The following SPAG16 variants were observed in gnomAD, a reference collection of about 807,000 sequenced individuals.
SPAG16 encodes sperm-associated antigen 16 protein.
Under a neutral mutation model 80.4 loss-of-function variants are expected in SPAG16, and 86 were observed. That is an observed-to-expected ratio of 1.07 (90% CI 0.90 to 1.28). The LOEUF is 1.28. Ranked by LOEUF, SPAG16 falls within the 50% of genes most tolerant of loss-of-function variation. The pLI is 0.00. For missense variants in SPAG16, 870 were observed against 765.3 expected (o/e 1.14, Z -1.61); for synonymous variants, 294 against 265.9 (o/e 1.11, Z -1.03).
intron 10 of SPAG16, among the ~76,000 whole-genome samples, chr2:213,654,401 G>A (rs1408191343): frequency 6.6e-6 from 1 of 151,818 alleles, no homozygotes; most frequent in Non-Finnish European, 1.5e-5. Context: ...TAGCATATTA[G>A]AAGTTGCAAT....
chr2:213,862,127 TCCAAATATC>T (rs2075493238), intron 10 of SPAG16, among the ~76,000 whole-genome samples: 1 of 152,208 alleles, frequency 6.6e-6, no homozygotes, highest in South Asian at 2.1e-4. Context: ...TGACCACTGG[TCCAAATATC>T]CCAACATAAA....
chr2:214,160,854 A>G (rs1173190097), intron 15 of SPAG16, among the ~76,000 whole-genome samples: 1 of 151,972 alleles, frequency 6.6e-6, no homozygotes. Context: ...TCATCTTACT[A>G]TTTTATTTAT....
intron 14 of SPAG16, among the ~76,000 whole-genome samples, chr2:214,133,848 T>A (rs906613034): frequency 6.6e-6 from 1 of 152,086 alleles, no homozygotes; most frequent in Admixed American, 6.6e-5. Context: ...CTCTGGTGAT[T>A]GCCTGGAGTT....
intron 9 of SPAG16, among the ~76,000 whole-genome samples, chr2:213,451,272 A>T (rs1036795699): frequency 6.6e-6 from 1 of 152,212 alleles, no homozygotes; most frequent in South Asian, 2.1e-4. Flanking sequence ...TTTAATTCCA[A>T]TAGGGTTAGA....
intron 14 of SPAG16, among the ~76,000 whole-genome samples, chr2:214,133,139 A>C (rs1261881908): frequency 4.0e-5 from 6 of 149,624 alleles, no homozygotes; most frequent in African/African-American, 1.5e-4. Flanking sequence ...TAAAAAAAAA[A>C]CCTACCATTA....
intron 13 of SPAG16, among the ~76,000 whole-genome samples, chr2:214,093,750 T>G (rs548393424): frequency 1.3e-5 from 2 of 152,206 alleles, no homozygotes; most frequent in East Asian, 3.9e-4. Context: ...AAAAGGCTAG[T>G]TTTGCAGGCC....
At chr2:213,587,122 T>C (rs1359338792) in intron 10 of SPAG16, among the ~76,000 whole-genome samples, 4 of 152,156 alleles carry the variant, frequency 2.6e-5, no homozygotes, top group Non-Finnish European at 4.4e-5. Flanking sequence ...CCTGTCCTTA[T>C]AGTTCCATGG....
chr2:213,899,615 A>G (rs1020954588), intron 11 of SPAG16, among the ~76,000 whole-genome samples: 1 of 152,076 alleles, frequency 6.6e-6, no homozygotes, highest in Non-Finnish European at 1.5e-5. Context: ...TCAAATTGTC[A>G]CTATAATATT....
Position 213,859,178 on chromosome 2 carries a change from C to CAAAAAAAAAAAAAAAAAAAAAAAAA in SPAG16, c.1071-3293_1071-3269dup, listed in dbSNP as rs1165853142. 2.1e-4 allele frequency among the ~76,000 whole-genome samples: 2 copies of CAAAAAAAAAAAAAAAAAAAAAAAAA among 9,378 alleles called. 1 individual carries two copies. The highest frequency in any genetic ancestry group is 3.6e-4 in the Non-Finnish European group (2 of 5,530). 6.2% of individuals were successfully genotyped at this position (9,378 alleles called of 152,430 possible). On this transcript the variant is annotated intron_variant, in intron 10 of 15. Coordinates refer to ENST00000331683, the MANE Select transcript of SPAG16 (RefSeq NM_024532.5). ...TGGGCAACAGAGCGACACTCCGTCT[C>CAAAAAAAAAAAAAAAAAAAAAAAAA]AAAAAAAAAAAAAAAAAAAAAAAAA... is the stretch of plus-strand genomic sequence containing the variant.
intron 9 of SPAG16, among the ~76,000 whole-genome samples, chr2:213,449,745 GT>G (rs1280041957): frequency 6.6e-6 from 1 of 152,126 alleles, no homozygotes. Flanking sequence ...GCAATGCACA[GT>G]TTACTCATGG....
At chr2:213,951,649 A>C (rs544777912) in intron 12 of SPAG16, among the ~76,000 whole-genome samples, 31 of 152,304 alleles carry the variant, frequency 2.0e-4, no homozygotes, top group African/African-American at 6.5e-4. Flanking sequence ...TACAAGGATA[A>C]ACAAAATATG....
chr2:213,826,561 C>G (rs1559500078), intron 10 of SPAG16, among the ~76,000 whole-genome samples: 1 of 151,754 alleles, frequency 6.6e-6, no homozygotes, highest in Admixed American at 6.6e-5. Context: ...CAATATTCTT[C>G]TTGTTATTGA....
intron 15 of SPAG16, among the ~76,000 whole-genome samples, chr2:214,408,906 A>G (rs915096661): frequency 1.3e-5 from 2 of 152,080 alleles, no homozygotes; most frequent in South Asian, 4.1e-4. Context: ...CATTTTTTAC[A>G]TAACAGATAT....
At chr2:214,075,401 A>C (rs948586517) in intron 13 of SPAG16, among the ~76,000 whole-genome samples, 1 of 152,070 alleles carries the variant, frequency 6.6e-6, no homozygotes. Context: ...CTTTATTGAT[A>C]AAAATCAAAA....
chr2:214,315,498 CTTTTTTATTTAT>C (rs940169394), intron 15 of SPAG16, among the ~76,000 whole-genome samples: 3 of 141,986 alleles, frequency 2.1e-5, no homozygotes, highest in African/African-American at 8.2e-5. Flanking sequence ...CCAGCCCCAT[CTTTTTTATTTAT>C]TTATTTATTT....
chr2:213,786,253 G>A (rs1195946977), intron 10 of SPAG16, among the ~76,000 whole-genome samples: 2 of 152,110 alleles, frequency 1.3e-5, no homozygotes, highest in Admixed American at 6.5e-5. Context: ...GTAAAAGAAT[G>A]CTAAGAACTA....
chr2:214,353,088 A>G (rs949979345), intron 15 of SPAG16, among the ~76,000 whole-genome samples: 2 of 151,970 alleles, frequency 1.3e-5, no homozygotes, highest in African/African-American at 2.4e-5. Flanking sequence ...TAATTATTTT[A>G]TATCACCCTG....
At chr2:214,199,308 A>C (rs1463187345) in intron 15 of SPAG16, among the ~76,000 whole-genome samples, 1 of 152,052 alleles carries the variant, frequency 6.6e-6, no homozygotes, top group African/African-American at 2.4e-5. Flanking sequence ...ATCCAGTTTC[A>C]TTCTTCCACA....
intron 3 of SPAG16, among the ~76,000 whole-genome samples, chr2:213,309,259 A>C (rs776179443): frequency 6.6e-6 from 1 of 152,108 alleles, no homozygotes; most frequent in Admixed American, 6.6e-5. Context: ...GCATCCATAC[A>C]TAATATGTAA....
Sources: allele counts gnomAD v4.1 joint callset (sites outside exome capture counted in the v4.1 genomes callset), GRCh38; gene constraint gnomAD v4.1.1; transcripts MANE v1.5; gene names NCBI Gene and HGNC (gene_info 2026-07-23, HGNC 2026-07-21).